TJP1: variants seen among roughly 807,000 people sequenced by gnomAD.
TJP1 encodes tight junction protein 1.
Under a neutral mutation model 194.2 loss-of-function variants are expected in TJP1, and 43 were observed. The ratio of observed to expected loss-of-function variants is 0.22; its 90% CI spans 0.17 to 0.29. The LOEUF is 0.29. Ranked by LOEUF, TJP1 falls within the 10% of genes least tolerant of loss-of-function variation. The probability of loss-of-function intolerance (pLI) is 1.00; values close to 1 mark genes in which losing one functional copy is unlikely to be tolerated. For synonymous variants in TJP1, 801 were observed against 779.0 expected, an observed-to-expected ratio of 1.03 and a Z score of -0.47; for missense variants, 1,971 against 2,185.7, an observed-to-expected ratio of 0.90 and a Z score of 1.96.
intron 2 of TJP1, among the ~76,000 whole-genome samples, chr15:29,914,892 G>T (rs1271986458): frequency 6.6e-6 from 1 of 151,650 alleles, no homozygotes; most frequent in African/African-American, 2.4e-5. Flanking sequence ...GCACACACAT[G>T]CATGCACACA....
chr15:29,762,892 T>C (rs1465879018), intron 5 of TJP1, among the ~76,000 whole-genome samples: 1 of 152,200 alleles, frequency 6.6e-6, no homozygotes, highest in Non-Finnish European at 1.5e-5. Context: ...TGTGTCACAC[T>C]ATGCCTGGCT....
At chr15:29,734,168 T>G in intron 12 of TJP1, 106 bp downstream of exon 12, 1 of 700,876 alleles carries the variant, frequency 1.4e-6, no homozygotes, top group Non-Finnish European at 2.3e-6. Context: ...ACAAATTCAT[T>G]CATCACTCAA....
intron 7 of TJP1, 78 bp from the exon 8 acceptor site, chr15:29,761,364 G>T: frequency 6.6e-7 from 1 of 1,521,686 alleles, no homozygotes; most frequent in Non-Finnish European, 8.9e-7. Flanking sequence ...TAATAATGAA[G>T]ATAAGCTAGT....
intron 2 of TJP1, among the ~76,000 whole-genome samples, chr15:29,920,646 C>T (rs761900810): frequency 1.3e-5 from 2 of 152,144 alleles, no homozygotes; most frequent in East Asian, 1.9e-4. Flanking sequence ...TTTGCATCTG[C>T]GGGGCGAAGG....
chr15:29,893,331 G>A (rs565746192), intron 2 of TJP1, among the ~76,000 whole-genome samples: 4 of 152,258 alleles, frequency 2.6e-5, no homozygotes, highest in East Asian at 3.9e-4. Flanking sequence ...GAACACTGTT[G>A]AAATGACAAA....
chr15:29,711,125 G>A (rs2042218959), intron 23 of TJP1, 125 bp from the exon 24 acceptor site: 1 of 1,125,082 alleles, frequency 8.9e-7, no homozygotes, highest in African/African-American at 1.6e-5. Flanking sequence ...TTATTCTCAT[G>A]AGTATGGGTA....
rs905619523 is a variant in TJP1 at position 29,700,305 on chromosome 15, T to TA, written c.*1289dup. On this transcript the variant is annotated 3_prime_UTR_variant, in exon 28 of 28. Transcript: ENST00000614355. ...TGTGCCATAATAAATTGTCTATTAGTAAAAAAATACACTTTAGGGCACAGC... is the reference window on the plus strand; with the variant it reads ...TGTGCCATAATAAATTGTCTATTAGTAAAAAAAATACACTTTAGGGCACAGC... 2.0e-5 allele frequency: 8 copies of TA among 398,732 alleles called. No homozygotes were observed. The highest frequency in any genetic ancestry group is 6.2e-5 in the African/African-American group (3 of 48,578). 24.7% of individuals were successfully genotyped at this position (398,732 alleles called of 1,614,324 possible).
At chr15:29,840,671 G>A (rs982866736) in intron 2 of TJP1, among the ~76,000 whole-genome samples, 1 of 152,126 alleles carries the variant, frequency 6.6e-6, no homozygotes, top group Non-Finnish European at 1.5e-5. Flanking sequence ...GTGGCCAAAG[G>A]GGGTCTAGGT....
chr15:29,708,814 T>C lies in TJP1; in HGVS notation c.4595A>G (p.Tyr1532Cys). ...TTCAAATGGTCGGGCAGAACTTGTA[T>C]ATGGTTTTGGTGTGAATCGATTGTA... is the stretch of plus-strand genomic sequence containing the variant. ...PAYNRFTPKP[Y>C]TSSARPFERK... Residue 1532 changes from tyrosine (Y) to cysteine (C), a missense_variant, in exon 25 of 28, where the codon TAT becomes TGT. Physicochemically the swap from Tyr to Cys is radical, Grantham distance 194. This residue lies in a region of TJP1 where 1,108 missense variants were observed against 1,128.5 expected (regional missense o/e 0.98). Coordinates refer to ENST00000614355, the MANE Select transcript of TJP1 (RefSeq NM_001330239.4). The C allele has an allele frequency of 3.1e-6, 5 of 1,614,188 alleles. No individual in the cohort carries two copies. The highest frequency in any genetic ancestry group is 4.2e-6 in the Non-Finnish European group (5 of 1,180,040).
intron 2 of TJP1, among the ~76,000 whole-genome samples, chr15:29,832,259 G>C (rs1196510552): frequency 6.6e-6 from 1 of 152,142 alleles, no homozygotes; most frequent in Non-Finnish European, 1.5e-5. Flanking sequence ...AGACTAGCTT[G>C]CTGGAGAGGT....
intron 1 of TJP1, among the ~76,000 whole-genome samples, chr15:29,811,335 A>G (rs889213013): frequency 6.6e-6 from 1 of 150,694 alleles, no homozygotes; most frequent in Non-Finnish European, 1.5e-5. Context: ...TGGATTTTGA[A>G]AAGATTATTT....
intron 2 of TJP1, among the ~76,000 whole-genome samples, chr15:29,873,754 C>T (rs1398206671): frequency 6.6e-6 from 1 of 152,112 alleles, no homozygotes; most frequent in Non-Finnish European, 1.5e-5. Context: ...TTAGGGGAGA[C>T]TTGAGACTTG....
intron 2 of TJP1, among the ~76,000 whole-genome samples, chr15:29,831,115 G>A (rs1399937116): frequency 1.3e-5 from 2 of 152,116 alleles, no homozygotes; most frequent in Admixed American, 6.5e-5. Context: ...TAAAACTTGG[G>A]AACCAAGTCC....
At chr15:29,898,249 G>T (rs2053536556) in intron 2 of TJP1, among the ~76,000 whole-genome samples, 1 of 152,110 alleles carries the variant, frequency 6.6e-6, no homozygotes, top group Non-Finnish European at 1.5e-5. Flanking sequence ...TTTAAAAATG[G>T]GGGTTTTCCT....
At chr15:29,949,132 C>T (rs2055400798) in intron 2 of TJP1, among the ~76,000 whole-genome samples, 1 of 149,942 alleles carries the variant, frequency 6.7e-6, no homozygotes, top group Admixed American at 6.6e-5. Context: ...CCACCACCTC[C>T]ACCTCCACCT....
intron 2 of TJP1, among the ~76,000 whole-genome samples, chr15:29,955,662 G>A (rs1264538037): frequency 6.8e-6 from 1 of 146,428 alleles, no homozygotes; most frequent in Non-Finnish European, 1.5e-5. Context: ...GATGTGGGAG[G>A]ATCACATGAG....
chr15:29,735,629 T>C (rs2043979646), intron 11 of TJP1, among the ~76,000 whole-genome samples: 1 of 151,038 alleles, frequency 6.6e-6, no homozygotes, highest in African/African-American at 2.4e-5. Flanking sequence ...TAAAAAAATG[T>C]ATGCCCTGAT....
chr15:29,843,143 C>T (rs373127890), intron 2 of TJP1, among the ~76,000 whole-genome samples: 1 of 151,956 alleles, frequency 6.6e-6, no homozygotes. Flanking sequence ...GATTGCTGTT[C>T]CTATCTTTGA....
At chr15:29,780,939 T>C (rs1011152756) in intron 2 of TJP1, among the ~76,000 whole-genome samples, 1 of 151,084 alleles carries the variant, frequency 6.6e-6, no homozygotes. Context: ...AAAAGAACTA[T>C]AGGAACAAGA....
Sources: gnomAD v4.1 joint callset for allele counts (sites outside exome capture counted in the v4.1 genomes callset) on GRCh38, gnomAD v4.1.1 for gene constraint, gnomAD v4.1.1 regional missense constraint, MANE v1.5 for transcripts, NCBI Gene and HGNC (gene_info 2026-07-23, HGNC 2026-07-21) for gene names.